The following STXBP6 variants were observed in gnomAD, a reference collection of about 807,000 sequenced individuals.
The protein encoded by STXBP6 is syntaxin binding protein 6, also known as syntaxin-binding protein 6.
Under a neutral mutation model 26.9 loss-of-function variants are expected in STXBP6, and 21 were observed. The ratio of observed to expected loss-of-function variants is 0.78; its 90% CI spans 0.55 to 1.12. The LOEUF is 1.12. STXBP6 is among the 50% of genes most tolerant of loss of function. The probability of loss-of-function intolerance (pLI) is 0.00; values close to 1 mark genes in which losing one functional copy is unlikely to be tolerated. For missense variants in STXBP6, 232 were observed against 257.9 expected (o/e 0.90, Z 0.69); for synonymous variants, 97 against 92.6 (o/e 1.05, Z -0.27).
chr14:24,814,686 A>C (rs2067919564), intron 5 of STXBP6, among the ~76,000 whole-genome samples: 1 of 152,230 alleles, frequency 6.6e-6, no homozygotes, highest in South Asian at 2.1e-4. Context: ...GTGTTTCCCC[A>C]GAATTCTTAT....
chr14:24,978,139 T>C (rs756225983), intron 1 of STXBP6, among the ~76,000 whole-genome samples: 2 of 152,204 alleles, frequency 1.3e-5, no homozygotes, highest in Non-Finnish European at 2.9e-5. Context: ...TTCATAGCAA[T>C]AACTTAAGAG....
chr14:24,858,198 G>A (rs1464754825), intron 2 of STXBP6, among the ~76,000 whole-genome samples: 1 of 152,102 alleles, frequency 6.6e-6, no homozygotes, highest in Non-Finnish European at 1.5e-5. Context: ...ATTCTGAAGG[G>A]ATGAAGTACA....
chr14:24,955,711 G>A (rs2073321262), intron 2 of STXBP6, among the ~76,000 whole-genome samples: 1 of 152,060 alleles, frequency 6.6e-6, no homozygotes. Flanking sequence ...ATCTGGCCCT[G>A]CTTCCCCCAG....
intron 2 of STXBP6, among the ~76,000 whole-genome samples, chr14:24,973,676 C>T (rs918199082): frequency 1.8e-4 from 28 of 152,160 alleles, no homozygotes; most frequent in African/African-American, 5.5e-4. Flanking sequence ...CATGAGCCAC[C>T]GCGCCTGGCC....
At chr14:24,977,462 C>T (rs2074080191) in intron 1 of STXBP6, among the ~76,000 whole-genome samples, 2 of 151,974 alleles carry the variant, frequency 1.3e-5, no homozygotes, top group Non-Finnish European at 2.9e-5. Context: ...GTAACTTCTT[C>T]ATGGAGCACA....
At chr14:24,849,096 C>A (rs762324911) in intron 4 of STXBP6, among the ~76,000 whole-genome samples, 6 of 152,080 alleles carry the variant, frequency 3.9e-5, no homozygotes, top group Non-Finnish European at 5.9e-5. Flanking sequence ...AAACACAAAA[C>A]TTCCAAACTG....
At position 24,818,951 on chromosome 14, in the gene STXBP6, C is replaced by T. The variant is rs546632849; in HGVS notation, c.609+86G>A. On this transcript the variant is annotated intron_variant, in intron 5 of 5. Coordinates refer to ENST00000323944, the MANE Select transcript of STXBP6 (RefSeq NM_001394410.1). ...AATAGCTTAATTTTATATCTCTCAT[C>T]ACAGGAAAATACTGAAATAAAGTTT... 339 of 1,471,248 alleles carry T rather than the reference C, an allele frequency of 2.3e-4. 1 individual carries two copies. In the African/African-American group the frequency reaches 3.6e-3, roughly 16 times the overall value. The allele number at this position is 1,471,248 out of a possible 1,614,324, so 91.1% of individuals were successfully genotyped here.
chr14:25,024,295 T>C (rs927441835), intron 1 of STXBP6, among the ~76,000 whole-genome samples: 1 of 150,550 alleles, frequency 6.6e-6, no homozygotes, highest in Admixed American at 6.6e-5. Flanking sequence ...GGTGACAGAG[T>C]GAGACTCTGA....
intron 2 of STXBP6, among the ~76,000 whole-genome samples, chr14:24,907,163 A>C (rs1451932488): frequency 6.6e-6 from 1 of 152,150 alleles, no homozygotes; most frequent in African/African-American, 2.4e-5. Flanking sequence ...CTAGAAGAAA[A>C]AATTTGTGAT....
At chr14:24,834,714 C>T (rs1002223696) in intron 4 of STXBP6, among the ~76,000 whole-genome samples, 4 of 151,954 alleles carry the variant, frequency 2.6e-5, no homozygotes, top group African/African-American at 7.3e-5. Flanking sequence ...TGAGGATGGC[C>T]CGAACTACGA....
intron 4 of STXBP6, 57 bp downstream of exon 4, chr14:24,855,879 A>G: frequency 2.0e-6 from 3 of 1,500,246 alleles, no homozygotes; most frequent in Non-Finnish European, 2.7e-6. Flanking sequence ...CTAACTTCTT[A>G]AGTAAAAGTG....
intron 2 of STXBP6, among the ~76,000 whole-genome samples, chr14:24,914,231 A>T (rs2071675502): frequency 6.6e-6 from 1 of 152,134 alleles, no homozygotes; most frequent in Non-Finnish European, 1.5e-5. Context: ...CACAAGATAT[A>T]TTTTAAAACT....
At chr14:24,926,695 A>G (rs2139856054) in intron 2 of STXBP6, among the ~76,000 whole-genome samples, 1 of 152,294 alleles carries the variant, frequency 6.6e-6, no homozygotes, top group East Asian at 1.9e-4. Context: ...GTGTAGCATT[A>G]CGGTTAAGAG....
At chr14:24,945,763 C>G (rs373551055) in intron 2 of STXBP6, among the ~76,000 whole-genome samples, 53 of 152,298 alleles carry the variant, frequency 3.5e-4, no homozygotes, top group African/African-American at 1.2e-3. Flanking sequence ...ATGTGCTAGG[C>G]ATTGTTCTAA....
chr14:25,006,964 G>A (rs912304), intron 1 of STXBP6, among the ~76,000 whole-genome samples: 5 of 152,122 alleles, frequency 3.3e-5, no homozygotes, highest in East Asian at 3.9e-4. Context: ...CACACACTCC[G>A]ACATTAGTTA....
At chr14:24,968,392 G>A (rs2073801935) in intron 2 of STXBP6, among the ~76,000 whole-genome samples, 1 of 151,868 alleles carries the variant, frequency 6.6e-6, no homozygotes, top group Non-Finnish European at 1.5e-5. Context: ...TAGACTTTGA[G>A]ATGAGAGCCG....
chr14:24,950,207 G>A (rs2073115527), intron 2 of STXBP6, among the ~76,000 whole-genome samples: 1 of 152,042 alleles, frequency 6.6e-6, no homozygotes, highest in African/African-American at 2.4e-5. Flanking sequence ...CACATGTGGA[G>A]CAACAGGCAC....
chr14:24,899,329 T>G (rs2139616015), intron 2 of STXBP6, among the ~76,000 whole-genome samples: 1 of 152,328 alleles, frequency 6.6e-6, no homozygotes, highest in Admixed American at 6.5e-5. Flanking sequence ...AAATTCAAAT[T>G]ACCACAGACA....
Position 24,955,841 on chromosome 14 carries a change from T to G in STXBP6, c.154+18824A>C, listed in dbSNP as rs1178468425. ...CACCTACTGCGTGCCAGGAAATAAG[T>G]AAGCCAGGTGCTTCATATATGCAGC... On this transcript the variant is annotated intron_variant, in intron 2 of 5. Transcript: ENST00000323944. 2.0e-5 allele frequency among the ~76,000 whole-genome samples: 3 copies of G among 152,128 alleles called. No homozygotes were observed. In the East Asian group the frequency reaches 5.8e-4, roughly 29 times the overall value.
Sources: allele counts gnomAD v4.1 joint callset (sites outside exome capture counted in the v4.1 genomes callset), GRCh38; gene constraint gnomAD v4.1.1; transcripts MANE v1.5; gene names NCBI Gene and HGNC (gene_info 2026-07-23, HGNC 2026-07-21).